VDAC1: variants seen among roughly 807,000 people sequenced by gnomAD.
VDAC1 encodes voltage dependent anion channel 1, also known as non-selective voltage-gated ion channel VDAC1.
In VDAC1, 10 loss-of-function variants were observed where a neutral mutation model predicts 34.7. The ratio of observed to expected loss-of-function variants is 0.29; its 90% CI spans 0.18 to 0.49. The LOEUF (loss-of-function observed/expected upper bound fraction) is 0.49, where lower values mean the gene tolerates loss of function less well. VDAC1 is among the 20% of genes least tolerant of loss of function. The probability of loss-of-function intolerance (pLI) is 0.99; values close to 1 mark genes in which losing one functional copy is unlikely to be tolerated. For missense variants in VDAC1, 230 were observed against 347.9 expected, an observed-to-expected ratio of 0.66 and a Z score of 2.69; for synonymous variants, 130 against 136.0, an observed-to-expected ratio of 0.96 and a Z score of 0.30.
the VDAC1 span, among the ~76,000 whole-genome samples, chr5:134,083,850 G>A: frequency 3.3e-5 from 5 of 152,166 alleles, no homozygotes; most frequent in Non-Finnish European, 7.4e-5. Flanking sequence ...GGGAAGAGTG[G>A]CCACGGGCCT....
chr5:134,085,198 A>G, the VDAC1 span, among the ~76,000 whole-genome samples: 1 of 151,924 alleles, frequency 6.6e-6, no homozygotes, highest in East Asian at 1.9e-4. Flanking sequence ...CCTCCCGAGT[A>G]GCTGGGACTA....
chr5:134,081,039 CTT>C, the VDAC1 span, among the ~76,000 whole-genome samples: 18 of 140,858 alleles, frequency 1.3e-4, no homozygotes, highest in Middle Eastern at 3.7e-3. Context: ...CTATGCCTAA[CTT>C]TTTTTTTTTT....
chr5:133,990,393 G>C (rs1315144995), intron 5 of VDAC1, among the ~76,000 whole-genome samples: 1 of 152,192 alleles, frequency 6.6e-6, no homozygotes, highest in Non-Finnish European at 1.5e-5. Context: ...ATCACCAGCA[G>C]CCTAACTCAC....
chr5:134,017,462 A>G, the VDAC1 span, among the ~76,000 whole-genome samples: 1 of 152,066 alleles, frequency 6.6e-6, no homozygotes, highest in Non-Finnish European at 1.5e-5. Context: ...ATCTCAAAAA[A>G]AAGCATTTCA....
At chr5:134,000,768 G>A (rs1176180516) in intron 1 of VDAC1, among the ~76,000 whole-genome samples, 1 of 152,162 alleles carries the variant, frequency 6.6e-6, no homozygotes, top group Admixed American at 6.6e-5. Context: ...ACTTGGTACA[G>A]TGGCTGGCGC....
At chr5:134,064,887 T>C in the VDAC1 span, among the ~76,000 whole-genome samples, 1 of 151,804 alleles carries the variant, frequency 6.6e-6, no homozygotes, top group African/African-American at 2.4e-5. Context: ...CCCAGCTATT[T>C]TTTTGTATTT....
At chr5:134,105,791 C>T in the VDAC1 span, among the ~76,000 whole-genome samples, 2 of 152,260 alleles carry the variant, frequency 1.3e-5, no homozygotes, top group Admixed American at 1.3e-4. Flanking sequence ...GTGCCCCTGC[C>T]CAGGCAAACA....
chr5:133,984,420 G>A (rs1488796958), intron 5 of VDAC1, among the ~76,000 whole-genome samples: 2 of 724 alleles, frequency 2.8e-3, no homozygotes, highest in African/African-American at 8.1e-3. Flanking sequence ...AATGACCAGC[G>A]TGTGTGTGTG....
intron 8 of VDAC1, 93 bp from the exon 9 acceptor site, chr5:133,972,955 G>T (rs1057387358): frequency 2.8e-6 from 3 of 1,089,238 alleles, no homozygotes; most frequent in Non-Finnish European, 4.1e-6. Flanking sequence ...CCTGTTCCAG[G>T]TATTATCAGC....
At chr5:134,099,411 C>T in the VDAC1 span, among the ~76,000 whole-genome samples, 1 of 152,182 alleles carries the variant, frequency 6.6e-6, no homozygotes, top group Non-Finnish European at 1.5e-5. Flanking sequence ...GGGTCCCTCT[C>T]ACCCGCTTCC....
At chr5:134,014,964 G>T in the VDAC1 span, among the ~76,000 whole-genome samples, 1 of 152,192 alleles carries the variant, frequency 6.6e-6, no homozygotes, top group African/African-American at 2.4e-5. Context: ...CAACCTAGGT[G>T]CCCATCAGTG....
the VDAC1 span, among the ~76,000 whole-genome samples, chr5:134,052,099 C>A: frequency 6.6e-6 from 1 of 152,096 alleles, no homozygotes. Context: ...TTGAAAGGCG[C>A]CCTCCCTCCA....
At chr5:133,993,686 T>C (rs1434265178) in intron 1 of VDAC1, among the ~76,000 whole-genome samples, 3 of 152,182 alleles carry the variant, frequency 2.0e-5, no homozygotes, top group Non-Finnish European at 2.9e-5. Context: ...TAAACAAATA[T>C]TTATTGAGCT....
the VDAC1 span, among the ~76,000 whole-genome samples, chr5:134,029,585 A>T: frequency 1.3e-5 from 2 of 152,372 alleles, no homozygotes; most frequent in East Asian, 3.9e-4. Flanking sequence ...GCTATTGAGC[A>T]TTCAAAATGT....
At chr5:134,069,235 G>C in the VDAC1 span, among the ~76,000 whole-genome samples, 2 of 152,108 alleles carry the variant, frequency 1.3e-5, no homozygotes, top group Admixed American at 6.6e-5. Context: ...TAGAGATAAG[G>C]GAAATTTTTT....
chr5:134,003,694 G>A (rs1433236177), intron 1 of VDAC1, among the ~76,000 whole-genome samples: 1 of 152,204 alleles, frequency 6.6e-6, no homozygotes, highest in Non-Finnish European at 1.5e-5. Context: ...TTTCTACTTA[G>A]CCCTTCTCCA....
the VDAC1 span, among the ~76,000 whole-genome samples, chr5:134,065,728 G>A: frequency 2.2e-3 from 333 of 149,926 alleles, 2 homozygotes; most frequent in African/African-American, 6.9e-3. Context: ...GTTAAAATTT[G>A]CTTTATGAAT....
chr5:134,099,223 A>G, the VDAC1 span, among the ~76,000 whole-genome samples: 141,831 of 152,208 alleles, frequency 0.93, 66,192 homozygotes, highest in African/African-American at 0.98. Flanking sequence ...GATTTAGGCC[A>G]TCAAAAAAAG....
chr5:134,101,868 C>A, the VDAC1 span, among the ~76,000 whole-genome samples: 1 of 152,204 alleles, frequency 6.6e-6, no homozygotes, highest in Non-Finnish European at 1.5e-5. Flanking sequence ...CAGATGCAGC[C>A]TGACCCTCCC....
Sources: gnomAD v4.1 joint callset for allele counts (sites outside exome capture counted in the v4.1 genomes callset) on GRCh38, gnomAD v4.1.1 for gene constraint, MANE v1.5 for transcripts, NCBI Gene and HGNC (gene_info 2026-07-23, HGNC 2026-07-21) for gene names.